The following SWAP70 variants were observed in gnomAD, a reference collection of about 807,000 sequenced individuals.
The protein encoded by SWAP70 is switching B cell complex subunit SWAP70.
SWAP70 carries 34 observed loss-of-function variants against 80.2 expected under a neutral mutation model. That is an observed-to-expected ratio of 0.42 (90% CI 0.32 to 0.56). The LOEUF (loss-of-function observed/expected upper bound fraction) is 0.56. Ranked by LOEUF, SWAP70 falls within the 20% of genes least tolerant of loss-of-function variation. SWAP70 has a pLI of 0.09. For synonymous variants in SWAP70, 239 were observed against 238.5 expected, an observed-to-expected ratio of 1.00 and a Z score of -0.02; for missense variants, 578 against 690.7, an observed-to-expected ratio of 0.84 and a Z score of 1.83.
At position 9,751,078 on chromosome 11, in the gene SWAP70, A is replaced by C. The variant is rs1471924604; in HGVS notation, c.*1108A>C. The stretch of plus-strand genomic sequence containing the variant: ...AGTAGTAGAAAGAAGCTAATTTGAA[A>C]TAAAAATTATTTGTATAATTAAGAA... On this transcript the variant is annotated 3_prime_UTR_variant, in exon 12 of 12. Coordinates refer to ENST00000318950, the MANE Select transcript of SWAP70 (RefSeq NM_015055.4). The C allele has an allele frequency of 6.6e-6, 1 of 152,238 alleles. No homozygotes were observed. The highest frequency in any genetic ancestry group is 1.5e-5 in the Non-Finnish European group (1 of 68,034). 9.4% of individuals were successfully genotyped at this position (152,238 alleles called of 1,614,324 possible). A position where few individuals can be genotyped will look rare whatever the true frequency, so the allele number is the denominator to read the frequency against.
At chr11:9,743,545 A>G (rs949046182) in intron 9 of SWAP70, among the ~76,000 whole-genome samples, 7 of 151,418 alleles carry the variant, frequency 4.6e-5, no homozygotes, top group Non-Finnish European at 7.4e-5. Context: ...ATTTCTCCAC[A>G]TCCTCTCTAG....
intron 2 of SWAP70, chr11:9,703,472 A>G (rs1394121216): frequency 8.8e-6 from 4 of 456,124 alleles, no homozygotes; most frequent in African/African-American, 8.0e-5. Flanking sequence ...CGCCCATCAA[A>G]TGCAGCGAAT....
intron 2 of SWAP70, among the ~76,000 whole-genome samples, chr11:9,702,551 G>A (rs1419766044): frequency 6.6e-6 from 1 of 151,928 alleles, no homozygotes; most frequent in Admixed American, 6.6e-5. Context: ...AGCTTGGGGA[G>A]TAGCTGGAAT....
intron 3 of SWAP70, among the ~76,000 whole-genome samples, chr11:9,716,207 A>G (rs1851063945): frequency 6.6e-6 from 1 of 152,112 alleles, no homozygotes; most frequent in African/African-American, 2.4e-5. Flanking sequence ...TGAGGAAGAG[A>G]GTGATAGGTG....
chr11:9,731,678 G>A lies in SWAP70; in HGVS notation c.899-851G>A, dbSNP rs552446351. Among the ~76,000 whole-genome samples, 61 of 152,216 alleles carry A rather than the reference G, an allele frequency of 4.0e-4. No homozygotes were observed. In the South Asian group the frequency reaches 0.012, roughly 30 times the overall value. On this transcript the variant is annotated intron_variant, in intron 6 of 11. Coordinates refer to ENST00000318950, the MANE Select transcript of SWAP70 (RefSeq NM_015055.4). ...GATAGATTAAATAAAAAAAACTGAGGGTCAGAAGAGTGTGTTGTGCCACTG... is the reference window on the plus strand; with the variant it reads ...GATAGATTAAATAAAAAAAACTGAGAGTCAGAAGAGTGTGTTGTGCCACTG...
intron 1 of SWAP70, among the ~76,000 whole-genome samples, chr11:9,670,657 C>A (rs999668152): frequency 6.6e-6 from 1 of 152,168 alleles, no homozygotes; most frequent in East Asian, 1.9e-4. Context: ...GAGATAAGAA[C>A]CCCTTTGGGG....
intron 1 of SWAP70, among the ~76,000 whole-genome samples, chr11:9,689,791 C>G (rs1242196869): frequency 1.3e-5 from 2 of 152,186 alleles, no homozygotes; most frequent in East Asian, 3.8e-4. Context: ...TCCCAGACTT[C>G]TAGGTATGTG....
Position 9,664,229 on chromosome 11 carries a change from C to T in SWAP70, c.50C>T (p.Thr17Ile). The part of the protein sequence containing the change: ...ELLKAIWHAF[T>I]ALDQDHSGKV... The stretch of plus-strand genomic sequence containing the variant: ...CTCAAAGCCATCTGGCACGCCTTCA[C>T]CGCACTCGACCAGGACCACAGCGGC... Residue 17 changes from threonine to isoleucine, a missense_variant, in exon 1 of 12, where the codon ACC (threonine) becomes ATC (isoleucine). Transcript: ENST00000318950. 1 of 1,595,138 alleles carries T rather than the reference C, an allele frequency of 6.3e-7. No individual in the cohort carries two copies. The highest frequency in any genetic ancestry group is 1.3e-5 in the African/African-American group (1 of 74,542).
At chr11:9,710,074 G>A (rs1337726891) in intron 2 of SWAP70, among the ~76,000 whole-genome samples, 1 of 152,056 alleles carries the variant, frequency 6.6e-6, no homozygotes, top group Non-Finnish European at 1.5e-5. Context: ...GGCGGAAGTT[G>A]TTGGTCTTGC....
chr11:9,688,752 T>G (rs1469719602), intron 1 of SWAP70, among the ~76,000 whole-genome samples: 1 of 151,946 alleles, frequency 6.6e-6, no homozygotes, highest in Non-Finnish European at 1.5e-5. Flanking sequence ...GACTTTGAGA[T>G]TTTTGAGGCT....
chr11:9,720,659 A>G (rs1851122791), intron 3 of SWAP70, among the ~76,000 whole-genome samples: 2 of 151,978 alleles, frequency 1.3e-5, no homozygotes, highest in Non-Finnish European at 2.9e-5. Context: ...CTGTACCCCA[A>G]GTTGTAATCT....
intron 2 of SWAP70, among the ~76,000 whole-genome samples, chr11:9,711,109 A>G (rs1270393573): frequency 6.6e-6 from 1 of 151,912 alleles, no homozygotes; most frequent in Non-Finnish European, 1.5e-5. Context: ...ATAAATAGAA[A>G]TGAGGTCTTG....
intron 2 of SWAP70, chr11:9,703,480 A>C: frequency 2.2e-6 from 1 of 456,262 alleles, no homozygotes. Context: ...AAATGCAGCG[A>C]ATTTTTGTTG....
At chr11:9,666,499 A>G (rs978429737) in intron 1 of SWAP70, among the ~76,000 whole-genome samples, 1 of 152,042 alleles carries the variant, frequency 6.6e-6, no homozygotes, top group Non-Finnish European at 1.5e-5. Flanking sequence ...CTTAGAGTTA[A>G]TATTTTACCA....
intron 3 of SWAP70, among the ~76,000 whole-genome samples, chr11:9,721,024 C>T (rs1363404435): frequency 6.6e-6 from 1 of 152,166 alleles, no homozygotes; most frequent in East Asian, 1.9e-4. Flanking sequence ...CCATGTTGGC[C>T]AGGCTGGTCT....
chr11:9,672,138 TTAAAA>T (rs1850422166), intron 1 of SWAP70, among the ~76,000 whole-genome samples: 1 of 128,262 alleles, frequency 7.8e-6, no homozygotes, highest in Non-Finnish European at 1.6e-5. Context: ...TAAATATAAT[TTAAAA>T]TAATATTTAT....
In SWAP70 at chr11:9,750,140, G is replaced by C. The variant is rs6483656; in HGVS notation, c.*170G>C. 283,307 of 412,620 alleles carry C rather than the reference G, an allele frequency of 0.69. 98,016 individuals carry two copies. The highest frequency in any genetic ancestry group is 0.79 in the African/African-American group (39,618 of 49,892). The allele number at this position is 412,620 out of a possible 1,614,324, so 25.6% of individuals were successfully genotyped here. A position where few individuals can be genotyped will look rare whatever the true frequency, so the allele number is the denominator to read the frequency against. On this transcript the variant is annotated 3_prime_UTR_variant, in exon 12 of 12. Transcript: ENST00000318950. ...ATCACCTGAGGTCAGGAGTTCAAGA[G>C]CAGCCTGGCCAACCTGGTGAAACCC...
At chr11:9,731,711 G>GA (rs1851300933) in intron 6 of SWAP70, among the ~76,000 whole-genome samples, 1 of 152,176 alleles carries the variant, frequency 6.6e-6, no homozygotes, top group Non-Finnish European at 1.5e-5. Flanking sequence ...CTGTTTGTGT[G>GA]AAAAGAAGGT....
At chr11:9,671,848 AAAAT>A (rs1419173912) in intron 1 of SWAP70, among the ~76,000 whole-genome samples, 110 of 105,036 alleles carry the variant, frequency 1.0e-3, no homozygotes, top group South Asian at 5.6e-3. Context: ...TATAATATAT[AAAAT>A]AAATAAATTA....
Sources: gnomAD v4.1 joint callset for allele counts (sites outside exome capture counted in the v4.1 genomes callset) on GRCh38, gnomAD v4.1.1 for gene constraint, MANE v1.5 for transcripts, NCBI Gene and HGNC (gene_info 2026-07-23, HGNC 2026-07-21) for gene names.